HPCAL1: variants seen among roughly 807,000 people sequenced by gnomAD.
HPCAL1 encodes the protein hippocalcin-like protein 1.
HPCAL1 carries 8 observed loss-of-function variants against 17.1 expected under a neutral mutation model. The ratio of observed to expected loss-of-function variants is 0.47; its 90% CI spans 0.27 to 0.84. HPCAL1 has a LOEUF of 0.84. HPCAL1 is among the 40% of genes least tolerant of loss of function. The probability of loss-of-function intolerance (pLI) is 0.13; values close to 1 mark genes in which losing one functional copy is unlikely to be tolerated. For missense variants in HPCAL1, 165 were observed against 271.1 expected, an observed-to-expected ratio of 0.61 and a Z score of 2.75; for synonymous variants, 112 against 111.4, an observed-to-expected ratio of 1.01 and a Z score of -0.03.
Position 10,426,833 on chromosome 2 carries a change from C to G in HPCAL1, c.*12C>G. 6.2e-7 allele frequency: 1 copy of G among 1,608,442 alleles called. No individual in the cohort carries two copies. Among genetic ancestry groups the G allele is most frequent in the Non-Finnish European group, 8.5e-7 (1 of 1,175,712 alleles). ...CCAGTCAGTTCTGAGCGAGCGGCCCCTGGACAGTTGCAGAGAAACACAGGC... is the reference window on the plus strand; with the variant it reads ...CCAGTCAGTTCTGAGCGAGCGGCCCGTGGACAGTTGCAGAGAAACACAGGC... On this transcript the variant is annotated 3_prime_UTR_variant, in exon 5 of 5. Transcript: ENST00000307845.
intron 2 of HPCAL1, among the ~76,000 whole-genome samples, chr2:10,414,990 T>C (rs996530721): frequency 1.3e-5 from 2 of 152,126 alleles, no homozygotes; most frequent in Admixed American, 6.5e-5. Flanking sequence ...GTGTGGACAA[T>C]AGAAAGCCTT....
intron 1 of HPCAL1, among the ~76,000 whole-genome samples, chr2:10,306,743 G>A (rs937142030): frequency 1.3e-5 from 2 of 152,186 alleles, no homozygotes; most frequent in African/African-American, 4.8e-5. Flanking sequence ...TGAGCAGGGC[G>A]CAAGTCTCAA....
In HPCAL1 at chr2:10,395,679, C is replaced by T. The variant is rs144675907; in HGVS notation, c.-110-1156C>T. Among the ~76,000 whole-genome samples, 238 of 152,224 alleles carry T rather than the reference C, an allele frequency of 1.6e-3. 3 individuals carry two copies. In the South Asian group the frequency reaches 0.022, roughly 14 times the overall value. On this transcript the variant is annotated intron_variant, in intron 1 of 4. Transcript: ENST00000307845. This position sits in a 1 kb window ranked among gnomAD's most constrained non-coding sequence, Gnocchi z 4.4. ...GTAATTAGGGAGTGTGCGGTAGATG[C>T]GGAAGAGAAACGGGCCGTCAGGTGA... is the stretch of plus-strand genomic sequence containing the variant.
intron 2 of HPCAL1, among the ~76,000 whole-genome samples, chr2:10,401,866 G>A (rs965993358): frequency 6.6e-6 from 1 of 152,120 alleles, no homozygotes; most frequent in Non-Finnish European, 1.5e-5. Context: ...CAAGCCCGGC[G>A]CCAGGCTCAG....
chr2:10,401,040 G>A (rs193072462), intron 2 of HPCAL1, among the ~76,000 whole-genome samples: 451 of 152,264 alleles, frequency 3.0e-3, no homozygotes, highest in Non-Finnish European at 5.0e-3. Context: ...TGGAAGGAAG[G>A]GCGGCTGACC....
rs1491351273 is a variant in HPCAL1, at chr2:10,395,458, A to AG, written c.-110-1371dup. 3.1e-5 allele frequency among the ~76,000 whole-genome samples: 4 copies of AG among 127,068 alleles called. No homozygotes were observed. The highest frequency in any genetic ancestry group is 6.5e-5 in the Non-Finnish European group (4 of 61,216). The allele number at this position is 127,068 out of a possible 152,430, so 83.4% of individuals were successfully genotyped here. ...TCCTGACCTTGTGGCGCTCACAGTC[A>AG]GGGGGGTGGGTTGGTGGGTGGGTGG... is the stretch of plus-strand genomic sequence containing the variant. On this transcript the variant is annotated intron_variant, in intron 1 of 4. Coordinates refer to ENST00000307845, the MANE Select transcript of HPCAL1 (RefSeq NM_002149.4). The surrounding 1 kb of genome is among the most constrained non-coding windows in gnomAD (Gnocchi z 4.4).
rs1669066170 is a variant in HPCAL1, at chr2:10,396,818, T to C, written c.-110-17T>C. ...GGGTCGTCACAGCCTGCGTGACCTG[T>C]CGCTCTTCTCTTCCAGGGGCATGGT... On this transcript the variant is annotated splice_polypyrimidine_tract_variant and intron_variant, in intron 1 of 4. Transcript: ENST00000307845. 1 of 152,278 alleles carries C rather than the reference T, an allele frequency of 6.6e-6. No homozygotes were observed. The highest frequency in any genetic ancestry group is 6.5e-5 in the Admixed American group (1 of 15,292). 9.4% of individuals were successfully genotyped at this position (152,278 alleles called of 1,614,324 possible).
intron 1 of HPCAL1, among the ~76,000 whole-genome samples, chr2:10,319,403 T>C (rs1663527090): frequency 6.6e-6 from 1 of 152,172 alleles, no homozygotes; most frequent in South Asian, 2.1e-4. Flanking sequence ...GGGAGTAATT[T>C]GCCGTTATGT....
In HPCAL1 at chr2:10,390,419, C is replaced by G. The variant is rs1572791105; in HGVS notation, c.-110-6416C>G. On this transcript the variant is annotated intron_variant, in intron 1 of 4. Coordinates refer to ENST00000307845, the MANE Select transcript of HPCAL1 (RefSeq NM_002149.4). Reference sequence around the variant, plus strand: ...ATTCTTGGAGCAACTGTGCTTATCACCCGGAGGCCACAGTGGAATTAGTCA... The same window carrying G: ...ATTCTTGGAGCAACTGTGCTTATCAGCCGGAGGCCACAGTGGAATTAGTCA... 2.0e-5 allele frequency among the ~76,000 whole-genome samples: 3 copies of G among 152,142 alleles called. No homozygotes were observed. In the East Asian group the frequency reaches 5.8e-4, roughly 29 times the overall value.
chr2:10,368,590 C>A, intron 1 of HPCAL1: 1 of 152,338 alleles, frequency 6.6e-6, no homozygotes. Flanking sequence ...CACATTTTCC[C>A]AGCAGCACGC....
chr2:10,418,824 T>G (rs1670848757), intron 2 of HPCAL1, among the ~76,000 whole-genome samples: 1 of 152,194 alleles, frequency 6.6e-6, no homozygotes, highest in Non-Finnish European at 1.5e-5. Context: ...CACAGGTGCC[T>G]CATTTTTCCC....
intron 2 of HPCAL1, among the ~76,000 whole-genome samples, chr2:10,403,366 C>T (rs990235708): frequency 1.3e-5 from 2 of 150,660 alleles, no homozygotes; most frequent in Non-Finnish European, 1.5e-5. Flanking sequence ...AAGTGAGAGC[C>T]GTCAGGGTGT....
At chr2:10,322,685 G>T (rs1049107846) in intron 1 of HPCAL1, among the ~76,000 whole-genome samples, 1 of 152,230 alleles carries the variant, frequency 6.6e-6, no homozygotes, top group African/African-American at 2.4e-5. Context: ...AGATGGGGCA[G>T]CTGTTCTGTG....
chr2:10,355,450 C>CAAAAAAAA (rs34600690), intron 1 of HPCAL1, among the ~76,000 whole-genome samples: 10 of 32,210 alleles, frequency 3.1e-4, no homozygotes, highest in African/African-American at 1.1e-3. Context: ...GACTCCGTCT[C>CAAAAAAAA]AAAAAAAAAA....
rs1003191301 is a variant in HPCAL1, at chr2:10,384,437, G to C, written c.-110-12398G>C. Among the ~76,000 whole-genome samples, 1 of 152,166 alleles carries C rather than the reference G, an allele frequency of 6.6e-6. No individual in the cohort carries two copies. Among genetic ancestry groups the C allele is most frequent in the Non-Finnish European group, 1.5e-5 (1 of 68,026 alleles). On this transcript the variant is annotated intron_variant, in intron 1 of 4. Transcript: ENST00000307845. The surrounding 1 kb of genome is among the most constrained non-coding windows in gnomAD (Gnocchi z 4.4). The stretch of plus-strand genomic sequence containing the variant: ...AGGTTACCATCTGTGGTGTCCCCTC[G>C]CTCACACTCACTACTGCCCTCCACA...
chr2:10,346,743 A>G (rs1665482370), intron 1 of HPCAL1, among the ~76,000 whole-genome samples: 1 of 152,138 alleles, frequency 6.6e-6, no homozygotes, highest in Non-Finnish European at 1.5e-5. Flanking sequence ...ATGATAGTAC[A>G]AAAACGAGAC....
At position 10,359,971 on chromosome 2, in the gene HPCAL1, G is replaced by T. The variant is rs1666421670; in HGVS notation, c.-110-36864G>T. On this transcript the variant is annotated intron_variant, in intron 1 of 4. Coordinates refer to ENST00000307845, the MANE Select transcript of HPCAL1 (RefSeq NM_002149.4). The surrounding 1 kb of genome is among the most constrained non-coding windows in gnomAD (Gnocchi z 4.1). ...ACAGCGCCCACCAGGTTTGATGTGG[G>T]CTGAGCACACCGTCACTAACTCATT... 6.6e-6 allele frequency among the ~76,000 whole-genome samples: 1 copy of T among 151,666 alleles called. No individual in the cohort carries two copies. Among genetic ancestry groups the T allele is most frequent in the African/African-American group, 2.4e-5 (1 of 40,966 alleles).
At chr2:10,306,115 G>C (rs1203839652) in intron 1 of HPCAL1, among the ~76,000 whole-genome samples, 1 of 152,188 alleles carries the variant, frequency 6.6e-6, no homozygotes, top group African/African-American at 2.4e-5. Context: ...TACTAACGGG[G>C]GCCCCGGAGT....
chr2:10,383,100 C>T lies in HPCAL1; in HGVS notation c.-110-13735C>T, dbSNP rs370267875. Among the ~76,000 whole-genome samples the T allele has an allele frequency of 1.3e-4, 20 of 152,170 alleles. No homozygotes were observed. In the East Asian group the frequency reaches 1.5e-3, roughly 12 times the overall value. On this transcript the variant is annotated intron_variant, in intron 1 of 4. Coordinates refer to ENST00000307845, the MANE Select transcript of HPCAL1 (RefSeq NM_002149.4). The stretch of plus-strand genomic sequence containing the variant: ...GTCAAAAGGTGAATCTGGCTGGGCG[C>T]GGCGGCTCATGCCTGTCATCCCAGC...
Sources: allele counts gnomAD v4.1 joint callset (sites outside exome capture counted in the v4.1 genomes callset), GRCh38; gene constraint gnomAD v4.1.1; non-coding constraint Gnocchi (gnomAD v3.1); transcripts MANE v1.5; gene names NCBI Gene and HGNC (gene_info 2026-07-23, HGNC 2026-07-21).